CSMD1: variants seen among roughly 807,000 people sequenced by gnomAD.
CSMD1 encodes the protein CUB and Sushi multiple domains 1.
CSMD1 carries 213 observed loss-of-function variants against 417.5 expected under a neutral mutation model. The ratio of observed to expected loss-of-function variants is 0.51; its 90% confidence interval spans 0.46 to 0.57. The LOEUF (loss-of-function observed/expected upper bound fraction) is 0.57. Ranked by LOEUF, CSMD1 falls within the 20% of genes least tolerant of loss-of-function variation. CSMD1 has a pLI of 0.00. For synonymous variants in CSMD1, 2,862 were observed against 1,736.8 expected, an observed-to-expected ratio of 1.65 and a Z score of -16.11; for missense variants, 6,923 against 4,529.7, an observed-to-expected ratio of 1.53 and a Z score of -15.17.
At chr8:3,307,848 C>T (rs776765565) in intron 24 of CSMD1, 27 bp from the exon 25 acceptor site, 20 of 1,603,554 alleles carry the variant, frequency 1.2e-5, no homozygotes, top group Middle Eastern at 3.3e-4. Flanking sequence ...GAGATGGGAA[C>T]GTTCAGCTTC....
chr8:4,842,179 A>G (rs936382326), intron 1 of CSMD1, among the ~76,000 whole-genome samples: 1 of 152,208 alleles, frequency 6.6e-6, no homozygotes, highest in African/African-American at 2.4e-5. Context: ...CCAGACACAC[A>G]TGAAAAGAAT....
intron 3 of CSMD1, among the ~76,000 whole-genome samples, chr8:4,272,980 C>T (rs1281101711): frequency 6.6e-6 from 1 of 152,026 alleles, no homozygotes; most frequent in East Asian, 1.9e-4. Context: ...GAAGGAAAAC[C>T]ACATGCTTAA....
At chr8:2,999,118 T>G (rs1807165731) in intron 53 of CSMD1, among the ~76,000 whole-genome samples, 1 of 152,004 alleles carries the variant, frequency 6.6e-6, no homozygotes, top group Admixed American at 6.6e-5. Context: ...GGTTGATCAT[T>G]CATTACATGT....
At chr8:4,766,527 T>C (rs915658338) in intron 1 of CSMD1, among the ~76,000 whole-genome samples, 94 of 152,348 alleles carry the variant, frequency 6.2e-4, no homozygotes, top group African/African-American at 2.2e-3. Context: ...ATTCACTGCA[T>C]TGCATTGTCA....
At chr8:4,128,260 G>A (rs564238614) in intron 3 of CSMD1, among the ~76,000 whole-genome samples, 1 of 152,230 alleles carries the variant, frequency 6.6e-6, no homozygotes, top group South Asian at 2.1e-4. Context: ...CAATCCCGTG[G>A]AGGAATGCAT....
intron 2 of CSMD1, among the ~76,000 whole-genome samples, chr8:4,545,680 T>C (rs1387578842): frequency 1.3e-5 from 2 of 152,158 alleles, no homozygotes; most frequent in East Asian, 3.9e-4. Context: ...CAGTGAGACA[T>C]GCTCACTATT....
chr8:4,878,907 G>C (rs953716487), intron 1 of CSMD1, among the ~76,000 whole-genome samples: 1 of 151,550 alleles, frequency 6.6e-6, no homozygotes, highest in Non-Finnish European at 1.5e-5. Flanking sequence ...TCCGAGCAGA[G>C]AGAACGACAA....
At chr8:3,831,023 A>T (rs946190855) in intron 5 of CSMD1, among the ~76,000 whole-genome samples, 16 of 152,274 alleles carry the variant, frequency 1.1e-4, no homozygotes, top group African/African-American at 3.8e-4. Flanking sequence ...TTGGCTCTGA[A>T]GGCAGCTTAA....
rs12681962 is a variant in CSMD1 at position 4,642,732 on chromosome 8, T to C, written c.86-5174A>G. 0.01 allele frequency among the ~76,000 whole-genome samples: 1,544 copies of C among 152,344 alleles called. 40 individuals are homozygous for C. In the East Asian group the frequency reaches 0.1, roughly 10 times the overall value. On this transcript the variant is annotated intron_variant, in intron 1 of 69. Coordinates refer to ENST00000635120, the MANE Select transcript of CSMD1 (RefSeq NM_033225.6). ...GAAGTGGGGTGTGTAGCTTAGCCTTTGCTTTGCTAGCTGTGAAAATAATTA... is the reference window on the plus strand; with the variant it reads ...GAAGTGGGGTGTGTAGCTTAGCCTTCGCTTTGCTAGCTGTGAAAATAATTA...
intron 1 of CSMD1, among the ~76,000 whole-genome samples, chr8:4,950,593 C>T (rs1179302573): frequency 6.6e-6 from 1 of 152,112 alleles, no homozygotes; most frequent in African/African-American, 2.4e-5. Context: ...TAAAACACTA[C>T]ACATTTAAGG....
At chr8:4,654,367 G>T (rs1199138432) in intron 1 of CSMD1, among the ~76,000 whole-genome samples, 1 of 152,092 alleles carries the variant, frequency 6.6e-6, no homozygotes, top group Non-Finnish European at 1.5e-5. Flanking sequence ...TAATTCCCCT[G>T]CTGGGTCTCC....
chr8:4,206,351 C>T (rs979960142), intron 3 of CSMD1, among the ~76,000 whole-genome samples: 2 of 152,120 alleles, frequency 1.3e-5, no homozygotes, highest in African/African-American at 4.8e-5. Flanking sequence ...CCCCTCCCCC[C>T]AACCCACCAC....
intron 8 of CSMD1, among the ~76,000 whole-genome samples, chr8:3,592,508 T>C (rs1366586362): frequency 1.3e-5 from 2 of 152,112 alleles, no homozygotes; most frequent in East Asian, 3.9e-4. Flanking sequence ...TTTGTCCTTG[T>C]AAAATGGAGA....
rs142969343 is a variant in CSMD1 at position 4,672,457 on chromosome 8, G to A, written c.86-34899C>T. 1.6e-3 allele frequency among the ~76,000 whole-genome samples: 243 copies of A among 152,190 alleles called. 3 individuals carry two copies. Among genetic ancestry groups the A allele is most frequent in the African/African-American group, 5.7e-3 (236 of 41,522 alleles). On this transcript the variant is annotated intron_variant, in intron 1 of 69. Coordinates refer to ENST00000635120, the MANE Select transcript of CSMD1 (RefSeq NM_033225.6). ...ATGTAAAATAACCCATTTTCTCAAT[G>A]AGAAAAGAGGGAGAATAATTCCTTT...
Position 3,219,320 on chromosome 8 carries a change from C to T in CSMD1, c.4607G>A (p.Ser1536Asn), listed in dbSNP as rs755727609. Residue 1536 changes from serine to asparagine, a missense_variant, in exon 29 of 70, where the codon AGC (serine) becomes AAC (asparagine). By Grantham distance (46) the Ser-to-Asn change is conservative. Coordinates refer to ENST00000635120, the MANE Select transcript of CSMD1 (RefSeq NM_033225.6). The part of the protein sequence containing the change: ...APERIESSGN[S>N]LFLAFRSDAS... ...ATCACTCCGAAATGCCAGAAACAGG[C>T]TGTTTCCGCTACTCTCTATTCTTTC... 2.5e-6 allele frequency: 4 copies of T among 1,588,176 alleles called. No individual in the cohort carries two copies. Among genetic ancestry groups the T allele is most frequent in the South Asian group, 2.3e-5 (2 of 87,202 alleles).
chr8:4,700,599 T>C (rs1385039041), intron 1 of CSMD1, among the ~76,000 whole-genome samples: 2 of 152,052 alleles, frequency 1.3e-5, no homozygotes, highest in Non-Finnish European at 2.9e-5. Context: ...GTGAAATAAT[T>C]GGGTATCATT....
chr8:4,729,942 G>C (rs934197738), intron 1 of CSMD1, among the ~76,000 whole-genome samples: 6 of 152,102 alleles, frequency 3.9e-5, no homozygotes, highest in Admixed American at 3.9e-4. Flanking sequence ...GGAATGACTT[G>C]TGCGCACACA....
At chr8:3,320,278 C>A (rs1053492778) in intron 23 of CSMD1, among the ~76,000 whole-genome samples, 1 of 152,106 alleles carries the variant, frequency 6.6e-6, no homozygotes, top group South Asian at 2.1e-4. Flanking sequence ...CTGAGTTCTT[C>A]CCAAATTCTG....
At chr8:3,896,346 A>G in intron 5 of CSMD1, among the ~76,000 whole-genome samples, 1 of 152,216 alleles carries the variant, frequency 6.6e-6, no homozygotes, top group Non-Finnish European at 1.5e-5. Flanking sequence ...ACTTTGCTGA[A>G]TTAGCAAAAC....
Sources: gnomAD v4.1 joint callset for allele counts (sites outside exome capture counted in the v4.1 genomes callset) on GRCh38, gnomAD v4.1.1 for gene constraint, MANE v1.5 for transcripts, NCBI Gene and HGNC (gene_info 2026-07-23, HGNC 2026-07-21) for gene names.